The following FNDC3A variants were observed in gnomAD, a reference collection of about 807,000 sequenced individuals.
FNDC3A encodes fibronectin type-III domain-containing protein 3A.
In FNDC3A, 32 loss-of-function variants were observed where a neutral mutation model predicts 148.9. The ratio of observed to expected loss-of-function variants is 0.21; its 90% CI spans 0.16 to 0.29. The LOEUF is 0.29. Among genes scored for constraint, FNDC3A ranks in the 10% least tolerant of loss-of-function variants. FNDC3A has a pLI of 1.00. For synonymous variants in FNDC3A, 472 were observed against 473.6 expected (o/e 1.00, Z 0.04); for missense variants, 1,191 against 1,452.8 (o/e 0.82, Z 2.93).
At chr13:49,156,611 A>G (rs567815469) in intron 8 of FNDC3A, among the ~76,000 whole-genome samples, 2 of 148,028 alleles carry the variant, frequency 1.4e-5, no homozygotes, top group Admixed American at 6.7e-5. Flanking sequence ...GTTTCTTCCT[A>G]TTCTCGATGG....
chr13:49,168,438 GA>G (rs891004819), intron 9 of FNDC3A, among the ~76,000 whole-genome samples, 174 bp from the exon 10 acceptor site: 11 of 147,160 alleles, frequency 7.5e-5, no homozygotes, highest in African/African-American at 1.5e-4. Context: ...CAGCAAAAAA[GA>G]AAAAAAAACT....
At chr13:49,037,214 A>C (rs567314576) in intron 2 of FNDC3A, among the ~76,000 whole-genome samples, 4 of 152,334 alleles carry the variant, frequency 2.6e-5, no homozygotes, top group South Asian at 2.1e-4. Flanking sequence ...GTAACAGCGA[A>C]TATGTGCATA....
chr13:49,044,274 C>G (rs78680007), intron 2 of FNDC3A: 2,033 of 190,954 alleles, frequency 0.011, 44 homozygotes, highest in African/African-American at 0.044. Context: ...TGTGCCTCCT[C>G]TCTGCTGTCA....
chr13:49,163,723 T>G (rs1185858216), intron 8 of FNDC3A, among the ~76,000 whole-genome samples: 1 of 152,248 alleles, frequency 6.6e-6, no homozygotes, highest in African/African-American at 2.4e-5. Flanking sequence ...TTGCTCACAC[T>G]GGGAGCTGTA....
chr13:49,099,186 A>G (rs1879711022), intron 3 of FNDC3A, among the ~76,000 whole-genome samples: 1 of 152,174 alleles, frequency 6.6e-6, no homozygotes, highest in African/African-American at 2.4e-5. Context: ...GTTCATTAAA[A>G]TAAGTTGTGA....
chr13:49,087,283 ATATCT>A (rs1438199160), intron 3 of FNDC3A, among the ~76,000 whole-genome samples: 3 of 152,256 alleles, frequency 2.0e-5, no homozygotes, highest in East Asian at 3.9e-4. Context: ...AGTATGTGAA[ATATCT>A]TATATTAGCT....
chr13:49,104,576 G>T (rs932519960), intron 3 of FNDC3A, among the ~76,000 whole-genome samples: 3 of 152,068 alleles, frequency 2.0e-5, no homozygotes, highest in Non-Finnish European at 4.4e-5. Flanking sequence ...TGTGATTTTG[G>T]AGACTTCCAT....
intron 8 of FNDC3A, among the ~76,000 whole-genome samples, chr13:49,149,847 C>G (rs1883188688): frequency 1.3e-5 from 2 of 152,158 alleles, no homozygotes; most frequent in Admixed American, 6.5e-5. Context: ...CTCTTTATTA[C>G]TGATTCAATC....
At chr13:49,096,085 C>T (rs569548019) in intron 3 of FNDC3A, among the ~76,000 whole-genome samples, 1 of 152,198 alleles carries the variant, frequency 6.6e-6, no homozygotes, top group East Asian at 1.9e-4. Context: ...AGCATAATTT[C>T]ATTTTTCAGA....
intron 7 of FNDC3A, among the ~76,000 whole-genome samples, chr13:49,140,102 A>G (rs762667977): frequency 1.3e-5 from 2 of 152,140 alleles, no homozygotes; most frequent in Non-Finnish European, 2.9e-5. Context: ...GAAAACCAAG[A>G]CAAGAAGATC....
At chr13:49,099,747 T>C (rs1879749380) in intron 3 of FNDC3A, among the ~76,000 whole-genome samples, 2 of 152,084 alleles carry the variant, frequency 1.3e-5, no homozygotes, top group African/African-American at 4.8e-5. Flanking sequence ...ATGTAACATT[T>C]TTATAGTACT....
intron 2 of FNDC3A, among the ~76,000 whole-genome samples, chr13:49,065,275 C>T (rs1027411225): frequency 1.3e-5 from 2 of 152,200 alleles, no homozygotes; most frequent in East Asian, 1.9e-4. Context: ...CATGGTAGCT[C>T]AGGAACCCAG....
chr13:49,071,254 C>T (rs1877668488), intron 2 of FNDC3A, among the ~76,000 whole-genome samples: 1 of 152,056 alleles, frequency 6.6e-6, no homozygotes, highest in South Asian at 2.1e-4. Context: ...ATATATACCA[C>T]ATTTTCTTTA....
intron 17 of FNDC3A, among the ~76,000 whole-genome samples, chr13:49,189,938 G>A (rs1885796662): frequency 1.3e-5 from 2 of 152,180 alleles, no homozygotes; most frequent in Admixed American, 1.3e-4. Context: ...CCAGGCTGGA[G>A]TGCAGTGGCA....
chr13:49,003,719 A>G (rs1952170468), intron 1 of FNDC3A, among the ~76,000 whole-genome samples: 1 of 152,290 alleles, frequency 6.6e-6, no homozygotes, highest in East Asian at 1.9e-4. Context: ...GACATTTAAA[A>G]CAACATTGTT....
rs1239499099 is a variant in FNDC3A, at chr13:49,136,453, A to G, written c.612A>G (p.Pro204=). 1.2e-6 allele frequency: 2 copies of G among 1,614,060 alleles called. No individual in the cohort carries two copies. Among genetic ancestry groups the G allele is most frequent in the African/African-American group, 2.7e-5 (2 of 74,928 alleles). ...CACAGAAAGATAAAATGAGCAGTCC[A>G]CCATCATCACCCCAGAAATGCCCTT... ...QGTQKDKMSS[P]PSSPQKCPSP... The change falls in exon 6 of 26, where the codon CCA becomes CCG. Residue 204 remains proline, a synonymous_variant. Coordinates refer to ENST00000492622, the MANE Select transcript of FNDC3A (RefSeq NM_001079673.2).
At chr13:48,990,588 CAAAAAAAAA>C (rs58007137) in intron 1 of FNDC3A, among the ~76,000 whole-genome samples, 90 of 58,120 alleles carry the variant, frequency 1.5e-3, no homozygotes, top group African/African-American at 5.9e-3. Flanking sequence ...CCTGTCTCTC[CAAAAAAAAA>C]AAAAAAAAAA....
chr13:49,187,155 A>G lies in FNDC3A; in HGVS notation c.1790A>G (p.Asn597Ser), dbSNP rs1313116882. The change falls in exon 16 of 26, where the codon AAT becomes AGT. Residue 597 changes from asparagine (N) to serine (S), a missense_variant. Physicochemically the swap from Asn to Ser is conservative, Grantham distance 46. Transcript: ENST00000492622. ...PPKDNGGATI[N>S]KYVVEMAEGS... is the part of the protein sequence containing the mutation. ...AAAGACAATGGCGGAGCAACCATCA[A>G]TAAATATGTAGTGGAGATGGCAGAA... is the stretch of plus-strand genomic sequence containing the variant. The G allele has an allele frequency of 1.2e-6, 2 of 1,613,220 alleles. No homozygotes were observed. The highest frequency in any genetic ancestry group is 1.7e-6 in the Non-Finnish European group (2 of 1,179,442).
chr13:49,073,718 TATATA>T (rs1356987203), intron 2 of FNDC3A, among the ~76,000 whole-genome samples: 1 of 146,658 alleles, frequency 6.8e-6, no homozygotes, highest in Non-Finnish European at 1.5e-5. Flanking sequence ...TATATGTGTA[TATATA>T]ATATATATGT....
Sources: allele counts gnomAD v4.1 joint callset (sites outside exome capture counted in the v4.1 genomes callset), GRCh38; gene constraint gnomAD v4.1.1; transcripts MANE v1.5; gene names NCBI Gene and HGNC (gene_info 2026-07-23, HGNC 2026-07-21).